UBE2E2: variants seen among roughly 807,000 people sequenced by gnomAD.
UBE2E2 encodes ubiquitin-conjugating enzyme E2 E2.
UBE2E2 carries 6 observed loss-of-function variants against 24.7 expected under a neutral mutation model. The ratio of observed to expected loss-of-function variants is 0.24; its 90% CI spans 0.13 to 0.48. The LOEUF (loss-of-function observed/expected upper bound fraction) is 0.48, where lower values mean the gene tolerates loss of function less well. Among genes scored for constraint, UBE2E2 ranks in the 20% least tolerant of loss-of-function variants. UBE2E2 has a pLI of 0.99. For missense variants in UBE2E2, 169 were observed against 245.0 expected, an observed-to-expected ratio of 0.69 and a Z score of 2.07; for synonymous variants, 104 against 83.6, an observed-to-expected ratio of 1.24 and a Z score of -1.33.
intron 3 of UBE2E2, among the ~76,000 whole-genome samples, chr3:23,428,814 C>A (rs1190532267): frequency 6.6e-6 from 1 of 151,162 alleles, no homozygotes; most frequent in African/African-American, 2.4e-5. Flanking sequence ...AGCCTGGTGC[C>A]ACCACATCAC....
intron 3 of UBE2E2, among the ~76,000 whole-genome samples, chr3:23,225,903 A>G (rs1399635259): frequency 6.6e-6 from 1 of 151,706 alleles, no homozygotes; most frequent in African/African-American, 2.4e-5. Context: ...TTTTTGAGAC[A>G]GAGTCTTGCT....
At chr3:23,247,989 A>C (rs773977176) in intron 3 of UBE2E2, among the ~76,000 whole-genome samples, 6 of 152,256 alleles carry the variant, frequency 3.9e-5, no homozygotes, top group Non-Finnish European at 7.3e-5. Flanking sequence ...TCTGATTAGC[A>C]TAAAGCTTTA....
intron 5 of UBE2E2, among the ~76,000 whole-genome samples, chr3:23,570,390 T>C (rs964549321): frequency 5.3e-5 from 8 of 152,124 alleles, no homozygotes; most frequent in Admixed American, 5.2e-4. Context: ...TCAACCCCCT[T>C]GCCCAGCCCA....
chr3:23,456,707 C>T (rs1275780872), intron 3 of UBE2E2, among the ~76,000 whole-genome samples: 3 of 152,116 alleles, frequency 2.0e-5, no homozygotes, highest in East Asian at 1.9e-4. Context: ...GTGCTGTCAT[C>T]GCAGCTTTAT....
At chr3:23,312,367 A>C (rs779403294) in intron 3 of UBE2E2, among the ~76,000 whole-genome samples, 2 of 152,160 alleles carry the variant, frequency 1.3e-5, no homozygotes, top group Non-Finnish European at 2.9e-5. Flanking sequence ...TCCTTCCCAC[A>C]AGCATTTAGA....
intron 3 of UBE2E2, among the ~76,000 whole-genome samples, chr3:23,368,387 G>T (rs972513129): frequency 6.6e-6 from 1 of 152,034 alleles, no homozygotes; most frequent in Non-Finnish European, 1.5e-5. Context: ...TGACTTCATG[G>T]ATAAAGAAAT....
rs1373166546 is a variant in UBE2E2, at chr3:23,561,826, C to T, written c.509-27908C>T. On this transcript the variant is annotated intron_variant, in intron 5 of 5. Coordinates refer to ENST00000396703, the MANE Select transcript of UBE2E2 (RefSeq NM_152653.4). ...TGGATTCCTAGGTATTTTATTCTCT[C>T]TGAAGCAATTGTGAATGGGAGTTCA... Among the ~76,000 whole-genome samples the T allele has an allele frequency of 6.6e-5, 10 of 151,260 alleles. No homozygotes were observed. The East Asian group carries it at 1.7e-3, about 26-fold the overall frequency.
chr3:23,468,145 G>C (rs1329284274), intron 3 of UBE2E2, among the ~76,000 whole-genome samples: 3 of 152,060 alleles, frequency 2.0e-5, no homozygotes, highest in Non-Finnish European at 4.4e-5. Flanking sequence ...GACCATTCAG[G>C]ATTTTGCTAT....
chr3:23,235,329 G>A (rs1049647638), intron 3 of UBE2E2, among the ~76,000 whole-genome samples: 15 of 152,272 alleles, frequency 9.9e-5, no homozygotes, highest in African/African-American at 3.6e-4. Flanking sequence ...AAGTTGTTAG[G>A]TACATAAGGT....
At chr3:23,283,056 G>C (rs891122642) in intron 3 of UBE2E2, among the ~76,000 whole-genome samples, 4 of 152,112 alleles carry the variant, frequency 2.6e-5, no homozygotes, top group Non-Finnish European at 4.4e-5. Flanking sequence ...TCCAGAGATA[G>C]TCTTTAAACT....
intron 3 of UBE2E2, among the ~76,000 whole-genome samples, chr3:23,429,588 T>C (rs148049878): frequency 0.029 from 4,411 of 152,280 alleles, 110 homozygotes; most frequent in East Asian, 0.13. Flanking sequence ...CTATTCATGA[T>C]AAAGACTTGG....
At chr3:23,211,817 A>G (rs144133060) in intron 2 of UBE2E2, among the ~76,000 whole-genome samples, 2 of 152,172 alleles carry the variant, frequency 1.3e-5, no homozygotes, top group Non-Finnish European at 2.9e-5. Flanking sequence ...TAAAGCATTT[A>G]TTTGGCACAT....
intron 3 of UBE2E2, among the ~76,000 whole-genome samples, chr3:23,360,625 TTAA>T (rs1696088093): frequency 6.6e-6 from 1 of 152,036 alleles, no homozygotes; most frequent in Non-Finnish European, 1.5e-5. Context: ...AATTTTCCAG[TTAA>T]TACTTCATTT....
intron 4 of UBE2E2, among the ~76,000 whole-genome samples, chr3:23,506,211 G>T (rs776303622): frequency 6.6e-5 from 10 of 152,266 alleles, no homozygotes; most frequent in African/African-American, 2.4e-4. Flanking sequence ...ACCTGAGTTC[G>T]TGCATTCATA....
chr3:23,542,222 G>A (rs1292767062), intron 5 of UBE2E2, among the ~76,000 whole-genome samples: 2 of 152,104 alleles, frequency 1.3e-5, no homozygotes, highest in Non-Finnish European at 2.9e-5. Context: ...AGCCTACTAG[G>A]GATGGTATAT....
At chr3:23,349,997 C>G (rs9990072) in intron 3 of UBE2E2, among the ~76,000 whole-genome samples, 125,230 of 152,162 alleles carry the variant, frequency 0.82, 51,550 homozygotes, top group Admixed American at 0.84. Flanking sequence ...AGTAGGGGCA[C>G]ACTGACACCT....
chr3:23,340,600 A>G (rs1695354324), intron 3 of UBE2E2, among the ~76,000 whole-genome samples: 1 of 152,154 alleles, frequency 6.6e-6, no homozygotes, highest in Admixed American at 6.5e-5. Context: ...TTAAAGAAAA[A>G]GATGCTGAGT....
chr3:23,563,773 A>G (rs1027030230), intron 5 of UBE2E2, among the ~76,000 whole-genome samples: 2 of 152,156 alleles, frequency 1.3e-5, no homozygotes, highest in African/African-American at 4.8e-5. Context: ...ATAAAATTAA[A>G]AGGATCATTT....
chr3:23,584,556 CT>C (rs71947394), intron 5 of UBE2E2, among the ~76,000 whole-genome samples: 4,531 of 144,890 alleles, frequency 0.031, 211 homozygotes, highest in African/African-American at 0.1. Context: ...ATATGACAAT[CT>C]TTTTTTTTTT....
Sources: allele counts gnomAD v4.1 joint callset (sites outside exome capture counted in the v4.1 genomes callset), GRCh38; gene constraint gnomAD v4.1.1; transcripts MANE v1.5; gene names NCBI Gene and HGNC (gene_info 2026-07-23, HGNC 2026-07-21).